The following KCNMA1 variants were observed in gnomAD, a reference collection of about 807,000 sequenced individuals.
KCNMA1 encodes Calcium-activated potassium channel subunit alpha-1.
In KCNMA1, 29 loss-of-function variants were observed where a neutral mutation model predicts 140.0. The ratio of observed to expected loss-of-function variants is 0.21; its 90% confidence interval spans 0.15 to 0.28. The LOEUF is 0.28. Ranked by LOEUF, KCNMA1 falls within the 10% of genes least tolerant of loss-of-function variation. The pLI, the probability that KCNMA1 is intolerant of heterozygous loss-of-function variation, is 1.00. For missense variants in KCNMA1, 880 were observed against 1,602.2 expected, an observed-to-expected ratio of 0.55 and a Z score of 7.70; for synonymous variants, 612 against 611.9, an observed-to-expected ratio of 1.00 and a Z score of 0.00.
At chr10:77,034,112 C>T (rs2094149115) in intron 15 of KCNMA1, among the ~76,000 whole-genome samples, 1 of 151,966 alleles carries the variant, frequency 6.6e-6, no homozygotes, top group South Asian at 2.1e-4. Flanking sequence ...GTTGTGGTGG[C>T]ACACGTCTCT....
chr10:77,307,231 G>A (rs1029447400), intron 2 of KCNMA1, among the ~76,000 whole-genome samples: 15 of 152,220 alleles, frequency 9.9e-5, no homozygotes, highest in African/African-American at 2.6e-4. Context: ...AGTCTCTTCT[G>A]GCCTTCAGAA....
At chr10:77,228,026 G>T (rs759453624) in intron 3 of KCNMA1, among the ~76,000 whole-genome samples, 11 of 149,610 alleles carry the variant, frequency 7.4e-5, no homozygotes, top group Non-Finnish European at 1.5e-4. Flanking sequence ...GTGCAGTGGC[G>T]CAATCTTGGC....
At chr10:76,974,830 CA>C (rs1174594517) in intron 19 of KCNMA1, among the ~76,000 whole-genome samples, 1 of 151,958 alleles carries the variant, frequency 6.6e-6, no homozygotes, top group African/African-American at 2.4e-5. Context: ...GTATAATTTC[CA>C]AAAATATACT....
chr10:77,360,436 G>A (rs1042945751), intron 2 of KCNMA1, among the ~76,000 whole-genome samples: 2 of 152,170 alleles, frequency 1.3e-5, no homozygotes, highest in South Asian at 4.1e-4. Flanking sequence ...CCAGGCTATG[G>A]CCAAACTGAT....
chr10:77,215,057 C>A (rs1203429221), intron 3 of KCNMA1, among the ~76,000 whole-genome samples: 3 of 152,156 alleles, frequency 2.0e-5, no homozygotes, highest in African/African-American at 7.2e-5. Context: ...TCACAGACTT[C>A]TTAAACTGAA....
intron 19 of KCNMA1, among the ~76,000 whole-genome samples, chr10:77,000,854 G>GAAAAAAAAAAAAAAAAAAAA (rs147198441): frequency 9.5e-5 from 1 of 10,518 alleles, no homozygotes; most frequent in Non-Finnish European, 2.0e-4. Context: ...ATAGTAAAAA[G>GAAAAAAAAAAAAAAAAAAAA]AAAATATATA....
intron 9 of KCNMA1, among the ~76,000 whole-genome samples, chr10:77,099,691 G>A (rs10159939): frequency 6.7e-6 from 1 of 148,370 alleles, no homozygotes. Flanking sequence ...TCCAGCCTGG[G>A]CAACAAGAGC....
chr10:77,339,955 C>A (rs10824531), intron 2 of KCNMA1, among the ~76,000 whole-genome samples: 39,641 of 152,162 alleles, frequency 0.26, 6,512 homozygotes, highest in Non-Finnish European at 0.38. Flanking sequence ...CCTACAGACA[C>A]TATCTTGACA....
In KCNMA1 at chr10:76,951,800, A is replaced by G. The variant is rs7086746; in HGVS notation, c.2484+2001T>C. On this transcript the variant is annotated intron_variant, in intron 21 of 27. Coordinates refer to ENST00000286628, the MANE Select transcript of KCNMA1 (RefSeq NM_001161352.2). ...CCTATAAATATCTGAAATGTTATTA[A>G]GTACTCATTTGTCTACCTAGAGATA... 0.43 allele frequency among the ~76,000 whole-genome samples: 66,032 copies of G among 151,904 alleles called. 14,492 individuals carry two copies. Among genetic ancestry groups the G allele is most frequent in the African/African-American group, 0.5 (20,503 of 41,406 alleles).
chr10:77,434,537 G>A (rs183467850), intron 1 of KCNMA1, among the ~76,000 whole-genome samples: 1 of 152,312 alleles, frequency 6.6e-6, no homozygotes, highest in East Asian at 1.9e-4. Flanking sequence ...ATTATGGATT[G>A]ACATACATTC....
chr10:77,417,266 T>C (rs937854618), intron 1 of KCNMA1, among the ~76,000 whole-genome samples: 2 of 152,250 alleles, frequency 1.3e-5, no homozygotes, highest in Non-Finnish European at 2.9e-5. Context: ...GGTCCATGCA[T>C]GTTGCATTGC....
At chr10:77,483,761 A>C (rs1603628394) in intron 1 of KCNMA1, among the ~76,000 whole-genome samples, 1 of 152,254 alleles carries the variant, frequency 6.6e-6, no homozygotes, top group East Asian at 1.9e-4. Flanking sequence ...TTATCTCCAC[A>C]CTGGAACCAT....
intron 15 of KCNMA1, among the ~76,000 whole-genome samples, chr10:77,033,531 TAC>T (rs2094102082): frequency 6.6e-6 from 1 of 152,146 alleles, no homozygotes; most frequent in Admixed American, 6.6e-5. Context: ...CATTACTTGA[TAC>T]AGACAATTAA....
intron 1 of KCNMA1, among the ~76,000 whole-genome samples, chr10:77,562,173 T>C (rs980984574): frequency 3.9e-5 from 6 of 152,214 alleles, no homozygotes; most frequent in Non-Finnish European, 8.8e-5. Context: ...CTGATGTGCA[T>C]GCACGGGGCC....
At chr10:77,428,824 A>C (rs912827074) in intron 1 of KCNMA1, among the ~76,000 whole-genome samples, 1 of 152,202 alleles carries the variant, frequency 6.6e-6, no homozygotes, top group Non-Finnish European at 1.5e-5. Flanking sequence ...TGGATCTCTA[A>C]GAGCCAGATA....
At chr10:77,341,708 C>A (rs1031325451) in intron 2 of KCNMA1, among the ~76,000 whole-genome samples, 2 of 152,180 alleles carry the variant, frequency 1.3e-5, no homozygotes, top group South Asian at 4.1e-4. Context: ...GAGAGAGGGG[C>A]CTGCTGCCCT....
chr10:77,368,964 G>A (rs940644583), intron 2 of KCNMA1, among the ~76,000 whole-genome samples: 1 of 152,168 alleles, frequency 6.6e-6, no homozygotes, highest in African/African-American at 2.4e-5. Flanking sequence ...AAATCAGGTA[G>A]GGCGATTGGT....
chr10:77,148,113 T>C (rs562170268), intron 5 of KCNMA1, among the ~76,000 whole-genome samples: 2 of 152,272 alleles, frequency 1.3e-5, no homozygotes, highest in South Asian at 4.2e-4. Context: ...TCTTGCCTCA[T>C]CCTGCACCTG....
intron 10 of KCNMA1, among the ~76,000 whole-genome samples, chr10:77,089,535 G>A (rs557431966): frequency 1.3e-5 from 2 of 152,260 alleles, no homozygotes; most frequent in African/African-American, 4.8e-5. Flanking sequence ...ACATTGGGTA[G>A]AAGGGAGATA....
Sources: allele counts gnomAD v4.1 joint callset (sites outside exome capture counted in the v4.1 genomes callset), GRCh38; gene constraint gnomAD v4.1.1; transcripts MANE v1.5; gene names NCBI Gene and HGNC (gene_info 2026-07-23, HGNC 2026-07-21).